ZNF138: variants seen among roughly 807,000 people sequenced by gnomAD.
ZNF138 encodes zinc finger protein 138, also known as zinc finger protein 138 (clone pHZ-32).
In ZNF138, 33 loss-of-function variants were observed where a neutral mutation model predicts 33.0. The ratio of observed to expected loss-of-function variants is 1.00; its 90% CI spans 0.76 to 1.34. The LOEUF is 1.34. Ranked by LOEUF, ZNF138 falls within the 40% of genes most tolerant of loss-of-function variation. ZNF138 has a pLI of 0.00. For missense variants in ZNF138, 360 were observed against 370.8 expected (o/e 0.97, Z 0.24); for synonymous variants, 139 against 120.4 (o/e 1.15, Z -1.01).
the ZNF138 span, chr7:64,852,922 T>G: frequency 1.1e-5 from 13 of 1,168,502 alleles, no homozygotes; most frequent in Admixed American, 1.7e-5. Flanking sequence ...CTTTAAAACC[T>G]TGGATAATCA....
chr7:64,822,326 C>A (rs182588721), intron 3 of ZNF138, among the ~76,000 whole-genome samples: 2 of 151,650 alleles, frequency 1.3e-5, no homozygotes, highest in Admixed American at 1.3e-4. Context: ...TTTTTCTGTT[C>A]TTTTCTTTGT....
At chr7:64,802,145 AAAG>A in intron 1 of ZNF138, among the ~76,000 whole-genome samples, 1 of 152,326 alleles carries the variant, frequency 6.6e-6, no homozygotes, top group Admixed American at 6.5e-5. Context: ...AGAACAACTC[AAAG>A]TGGCGGCTTC....
the ZNF138 span, among the ~76,000 whole-genome samples, chr7:64,857,810 A>C: frequency 6.6e-6 from 1 of 152,224 alleles, no homozygotes; most frequent in Admixed American, 6.5e-5. Context: ...TCGCAATAGC[A>C]CCACATGCTT....
At chr7:64,800,098 T>G (rs577286286) in intron 1 of ZNF138, among the ~76,000 whole-genome samples, 6 of 152,148 alleles carry the variant, frequency 3.9e-5, no homozygotes, top group Non-Finnish European at 1.5e-5. Flanking sequence ...AGAGAAGAAC[T>G]TTTCTGTGGG....
the ZNF138 span, among the ~76,000 whole-genome samples, chr7:64,846,021 C>A: frequency 6.6e-6 from 1 of 152,168 alleles, no homozygotes; most frequent in Non-Finnish European, 1.5e-5. Flanking sequence ...AATAGGTTGT[C>A]CTTTTCCCAC....
intron 3 of ZNF138, among the ~76,000 whole-genome samples, chr7:64,829,346 A>G (rs1421357993): frequency 1.3e-5 from 2 of 151,552 alleles, no homozygotes; most frequent in East Asian, 2.0e-4. Flanking sequence ...CATTCTTTCA[A>G]TATGTACTTT....
chr7:64,859,032 A>T, the ZNF138 span, among the ~76,000 whole-genome samples: 3 of 151,952 alleles, frequency 2.0e-5, no homozygotes, highest in African/African-American at 4.8e-5. Context: ...GGTTCAAATG[A>T]TTCTTCTGTC....
chr7:64,825,593 G>A (rs999859048), intron 3 of ZNF138, among the ~76,000 whole-genome samples: 5 of 147,592 alleles, frequency 3.4e-5, no homozygotes, highest in Non-Finnish European at 7.4e-5. Context: ...AAGCTGGAGT[G>A]CAGTGGCACA....
chr7:64,836,901 T>G (rs991343492), downstream of ZNF138: 1 of 151,958 alleles, frequency 6.6e-6, no homozygotes, highest in Non-Finnish European at 1.5e-5. Context: ...CAATTCTCAG[T>G]GAGGGGAAAA....
chr7:64,831,554 T>C lies in ZNF138; in HGVS notation c.312T>C (p.Asn104=). 1 of 1,613,604 alleles carries C rather than the reference T, an allele frequency of 6.2e-7. No individual in the cohort carries two copies. Among genetic ancestry groups the C allele is most frequent in the Non-Finnish European group, 8.5e-7 (1 of 1,179,812 alleles). ...LSRYGKYGHK[N]LQLRKGCKSV... ...GATATGGAAAATATGGACATAAGAA[T>C]TTACAGTTAAGAAAAGGCTGTAAAA... Residue 104 remains asparagine, a synonymous_variant, in exon 4 of 4, where the codon AAT becomes AAC. Transcript: ENST00000307355.
Position 64,809,643 on chromosome 7 carries a change from C to T in ZNF138, c.4-5275C>T, listed in dbSNP as rs548716577. 6.0e-5 allele frequency among the ~76,000 whole-genome samples: 9 copies of T among 149,316 alleles called. No individual in the cohort carries two copies. In the East Asian group the frequency reaches 8.2e-4, roughly 14 times the overall value. On this transcript the variant is annotated intron_variant, in intron 1 of 3. Transcript: ENST00000307355. ...AGACGGGGTGGCTGCCGGGCGGAGA[C>T]GCTCCTCACTTCCCAGATGGGGCTG...
At chr7:64,843,843 T>C in the ZNF138 span, among the ~76,000 whole-genome samples, 1 of 152,200 alleles carries the variant, frequency 6.6e-6, no homozygotes, top group East Asian at 1.9e-4. Context: ...TTTTTTGTTT[T>C]TTGAGATGGA....
In ZNF138 at chr7:64,815,620, A is replaced by G; in HGVS notation, c.175A>G (p.Lys59Glu). The G allele has an allele frequency of 6.2e-7, 1 of 1,612,724 alleles. No individual in the cohort carries two copies. The highest frequency in any genetic ancestry group is 8.5e-7 in the Non-Finnish European group (1 of 1,179,274). The change falls in exon 3 of 4, where the codon AAG (lysine) becomes GAG (glutamate). Residue 59 changes from lysine (K) to glutamate (E), a missense_variant. Transcript: ENST00000307355. ...LEQGKEPWNM[K>E]RHEMVVAKHS... ...ACAAGGAAAAGAGCCCTGGAATATG[A>G]AGAGACATGAGATGGTGGTAGCCAA...
At position 64,832,391 on chromosome 7, in the gene ZNF138, A is replaced by G. The variant is rs1002454268; in HGVS notation, c.*189A>G. 1 of 1,528,284 alleles carries G rather than the reference A, an allele frequency of 6.5e-7. No homozygotes were observed. Among genetic ancestry groups the G allele is most frequent in the Non-Finnish European group, 8.7e-7 (1 of 1,143,428 alleles). The allele number at this position is 1,528,284 out of a possible 1,614,324, so 94.7% of individuals were successfully genotyped here. A position where few individuals can be genotyped will look rare whatever the true frequency, so the allele number is the denominator to read the frequency against. On this transcript the variant is annotated 3_prime_UTR_variant, in exon 4 of 4. Coordinates refer to ENST00000307355, the MANE Select transcript of ZNF138 (RefSeq NM_001271639.2). ...CCGCAAAGCTCACTGAACATAAGTT[A>G]ATTCATACTGGAGAAAAACCCTACA...
the ZNF138 span, among the ~76,000 whole-genome samples, chr7:64,849,983 G>A: frequency 6.6e-6 from 1 of 152,146 alleles, no homozygotes; most frequent in South Asian, 2.1e-4. Context: ...TTCACGTTTG[G>A]TTAGAATTGT....
At chr7:64,824,780 C>A (rs1305173692) in intron 3 of ZNF138, among the ~76,000 whole-genome samples, 1 of 152,124 alleles carries the variant, frequency 6.6e-6, no homozygotes, top group African/African-American at 2.4e-5. Flanking sequence ...ATGACTTCCT[C>A]ACGCAATTGT....
intron 1 of ZNF138, among the ~76,000 whole-genome samples, chr7:64,801,417 A>G (rs1787129538): frequency 6.6e-6 from 1 of 152,154 alleles, no homozygotes; most frequent in South Asian, 2.1e-4. Flanking sequence ...ATTATTATAT[A>G]CCCAAAAGTT....
At position 64,815,041 on chromosome 7, in the gene ZNF138, T is replaced by A; in HGVS notation, c.127T>A (p.Leu43Met). Reference sequence around the variant, plus strand: ...AGAGAACTACAGAAACCTGGTTTTCTTGGGTGAGAATAACTTCAGTACACA... The same window carrying A: ...AGAGAACTACAGAAACCTGGTTTTCATGGGTGAGAATAACTTCAGTACACA... ...MLENYRNLVF[L>M]DLITCLEQGK... Residue 43 changes from leucine to methionine, a missense_variant, in exon 2 of 4, where the codon TTG becomes ATG. Transcript: ENST00000307355. 6.2e-7 allele frequency: 1 copy of A among 1,604,174 alleles called. No individual in the cohort carries two copies. The highest frequency in any genetic ancestry group is 1.1e-5 in the South Asian group (1 of 89,544).
At chr7:64,808,669 A>C (rs1164308688) in intron 1 of ZNF138, among the ~76,000 whole-genome samples, 2 of 149,612 alleles carry the variant, frequency 1.3e-5, no homozygotes, top group Non-Finnish European at 1.5e-5. Flanking sequence ...ATAGGACAAT[A>C]GTGGAGGGAA....
Sources: allele counts gnomAD v4.1 joint callset (sites outside exome capture counted in the v4.1 genomes callset), GRCh38; gene constraint gnomAD v4.1.1; transcripts MANE v1.5; gene names NCBI Gene and HGNC (gene_info 2026-07-23, HGNC 2026-07-21).